ATP10A: variants seen among roughly 807,000 people sequenced by gnomAD.
ATP10A encodes phospholipid-transporting ATPase VA.
In ATP10A, 111 loss-of-function variants were observed where a neutral mutation model predicts 147.8. The observed-to-expected ratio is 0.75, with a 90% CI of 0.64 to 0.88. The LOEUF (loss-of-function observed/expected upper bound fraction) is 0.88. Ranked by LOEUF, ATP10A falls within the 40% of genes least tolerant of loss-of-function variation. The pLI is 0.00. For missense variants in ATP10A, 1,927 were observed against 1,959.0 expected (o/e 0.98, Z 0.31); for synonymous variants, 875 against 841.6 (o/e 1.04, Z -0.69).
intron 3 of ATP10A, among the ~76,000 whole-genome samples, chr15:25,728,772 T>C (rs897163828): frequency 1.3e-5 from 2 of 152,258 alleles, no homozygotes; most frequent in African/African-American, 4.8e-5. Flanking sequence ...ACTACTGTGA[T>C]TTCTGATGAG....
At chr15:25,708,486 T>C in intron 10 of ATP10A, 186 bp from the exon 11 acceptor site, 1 of 423,238 alleles carries the variant, frequency 2.4e-6, no homozygotes, top group Non-Finnish European at 4.2e-6. Flanking sequence ...GTTTGACTGT[T>C]TTATTTTATT....
intron 1 of ATP10A, among the ~76,000 whole-genome samples, chr15:25,825,003 C>T (rs1408903321): frequency 2.0e-5 from 3 of 152,038 alleles, no homozygotes; most frequent in Non-Finnish European, 2.9e-5. Context: ...GGTGATAGAA[C>T]GACACCTTCA....
Position 25,862,828 on chromosome 15 carries a change from T to G in ATP10A, c.269A>C (p.Tyr90Ser). 6.2e-7 allele frequency: 1 copy of G among 1,609,840 alleles called. No homozygotes were observed. ...FEQFHRPANV[Y>S]FVFIALLNFV... ...GTTGAGCAGCGCGATGAAGACAAAGTACACGTTGGCCGGGCGGTGGAACTG... is the reference window on the plus strand; with the variant it reads ...GTTGAGCAGCGCGATGAAGACAAAGGACACGTTGGCCGGGCGGTGGAACTG... The change falls in exon 1 of 21, where the codon TAC becomes TCC. Residue 90 changes from tyrosine to serine, a missense_variant. Coordinates refer to ENST00000555815, the MANE Select transcript of ATP10A (RefSeq NM_024490.4).
At chr15:25,744,464 T>C (rs1189779704) in intron 2 of ATP10A, among the ~76,000 whole-genome samples, 2 of 152,106 alleles carry the variant, frequency 1.3e-5, no homozygotes, top group Non-Finnish European at 2.9e-5. Context: ...GACTCAGGGA[T>C]AACCAGGCAT....
chr15:25,733,907 C>T (rs948237607), intron 3 of ATP10A, among the ~76,000 whole-genome samples: 1 of 152,216 alleles, frequency 6.6e-6, no homozygotes, highest in Admixed American at 6.5e-5. Flanking sequence ...CGCCTGCTGG[C>T]GGCACAGGCT....
intron 2 of ATP10A, among the ~76,000 whole-genome samples, chr15:25,745,685 TA>T (rs1226817709): frequency 1.3e-5 from 2 of 152,204 alleles, no homozygotes; most frequent in Non-Finnish European, 2.9e-5. Flanking sequence ...TATTAAATAA[TA>T]ATGTCTTTGG....
intron 1 of ATP10A, among the ~76,000 whole-genome samples, chr15:25,832,705 G>A (rs999456158): frequency 6.6e-6 from 1 of 152,084 alleles, no homozygotes; most frequent in African/African-American, 2.4e-5. Flanking sequence ...TATGTTACTG[G>A]ATACTAAACT....
chr15:25,802,913 T>C (rs1020641935), intron 1 of ATP10A, among the ~76,000 whole-genome samples: 1 of 152,208 alleles, frequency 6.6e-6, no homozygotes, highest in African/African-American at 2.4e-5. Context: ...TGGGGGTCAT[T>C]AATCTGCCTA....
intron 2 of ATP10A, among the ~76,000 whole-genome samples, chr15:25,767,553 G>C (rs2140651107): frequency 6.6e-6 from 1 of 152,216 alleles, no homozygotes; most frequent in East Asian, 1.9e-4. Flanking sequence ...TTGTAAAATA[G>C]GGAAGCAACT....
intron 2 of ATP10A, among the ~76,000 whole-genome samples, chr15:25,740,685 T>C (rs1019729391): frequency 6.6e-6 from 1 of 152,236 alleles, no homozygotes; most frequent in African/African-American, 2.4e-5. Flanking sequence ...AGGCTCTCAG[T>C]GACAAACACA....
chr15:25,788,847 A>G (rs1305392671), intron 1 of ATP10A, among the ~76,000 whole-genome samples: 3 of 152,262 alleles, frequency 2.0e-5, no homozygotes, highest in Non-Finnish European at 1.5e-5. Flanking sequence ...GAAGAGAACA[A>G]TTAATCCCTA....
At chr15:25,784,098 C>G (rs901275089) in intron 1 of ATP10A, among the ~76,000 whole-genome samples, 1 of 152,220 alleles carries the variant, frequency 6.6e-6, no homozygotes, top group Non-Finnish European at 1.5e-5. Flanking sequence ...TCATTACAAG[C>G]TTTTTTGTCC....
chr15:25,830,407 T>C, intron 1 of ATP10A, among the ~76,000 whole-genome samples: 1 of 151,954 alleles, frequency 6.6e-6, no homozygotes, highest in South Asian at 2.1e-4. Context: ...CTAGAGGGAG[T>C]GGCAAAGGTT....
At chr15:25,815,071 A>C (rs1324663475) in intron 1 of ATP10A, among the ~76,000 whole-genome samples, 1 of 152,188 alleles carries the variant, frequency 6.6e-6, no homozygotes. Context: ...TGGTTGTTAA[A>C]ATCAACTTGA....
chr15:25,676,510 C>T (rs972633059), downstream of ATP10A, among the ~76,000 whole-genome samples: 1 of 152,156 alleles, frequency 6.6e-6, no homozygotes, highest in African/African-American at 2.4e-5. Context: ...ACTCCTACAC[C>T]CACTTTTTCT....
intron 2 of ATP10A, among the ~76,000 whole-genome samples, chr15:25,759,246 T>C (rs1373009159): frequency 6.6e-6 from 1 of 152,174 alleles, no homozygotes; most frequent in African/African-American, 2.4e-5. Flanking sequence ...TAACAATATA[T>C]ATAACAAAAT....
chr15:25,735,941 CT>C (rs1887240847), intron 3 of ATP10A, 114 bp downstream of exon 3: 8 of 963,350 alleles, frequency 8.3e-6, no homozygotes, highest in Non-Finnish European at 1.3e-5. Context: ...TCCCAAACAG[CT>C]ACACCATGTG....
chr15:25,709,242 A>G (rs552115411), intron 10 of ATP10A: 1 of 152,388 alleles, frequency 6.6e-6, no homozygotes, highest in East Asian at 1.9e-4. Flanking sequence ...TATGGAGTTG[A>G]TAATGGGGAA....
At chr15:25,780,996 C>T (rs751778203) in intron 2 of ATP10A, 23 bp downstream of exon 2, 15 of 1,611,370 alleles carry the variant, frequency 9.3e-6, no homozygotes, top group Non-Finnish European at 1.3e-5. Context: ...GCCTGCAAGG[C>T]CCTGGAAACG....
Sources: allele counts gnomAD v4.1 joint callset (sites outside exome capture counted in the v4.1 genomes callset), GRCh38; gene constraint gnomAD v4.1.1; transcripts MANE v1.5; gene names NCBI Gene and HGNC (gene_info 2026-07-23, HGNC 2026-07-21).